ZFP1: variants seen among roughly 807,000 people sequenced by gnomAD.
The protein encoded by ZFP1 is ZFP1 zinc finger protein.
ZFP1 carries 32 observed loss-of-function variants against 38.5 expected under a neutral mutation model. The observed-to-expected ratio is 0.83, with a 90% CI of 0.63 to 1.12. The LOEUF (loss-of-function observed/expected upper bound fraction) is 1.12, where lower values mean the gene tolerates loss of function less well. Ranked by LOEUF, ZFP1 falls within the 50% of genes most tolerant of loss-of-function variation. ZFP1 has a pLI of 0.00. For missense variants in ZFP1, 616 were observed against 480.8 expected (o/e 1.28, Z -2.63); for synonymous variants, 245 against 168.8 (o/e 1.45, Z -3.50).
At chr16:75,159,152 C>A (rs11644016) in intron 2 of ZFP1, among the ~76,000 whole-genome samples, 1 of 151,514 alleles carries the variant, frequency 6.6e-6, no homozygotes, top group African/African-American at 2.4e-5. Flanking sequence ...CCACCTTAGC[C>A]GCCCAATGTG....
At chr16:75,131,236 T>A in the ZFP1 span, among the ~76,000 whole-genome samples, 1 of 151,976 alleles carries the variant, frequency 6.6e-6, no homozygotes, top group East Asian at 1.9e-4. Flanking sequence ...GGAGGGAAGC[T>A]CAGGGAGGGC....
chr16:75,130,649 CAACT>C, the ZFP1 span, among the ~76,000 whole-genome samples: 1 of 152,150 alleles, frequency 6.6e-6, no homozygotes, highest in East Asian at 1.9e-4. Flanking sequence ...AGGCTGCCAC[CAACT>C]GTTATTTTAG....
intron 2 of ZFP1, among the ~76,000 whole-genome samples, chr16:75,161,800 T>C (rs1446157873): frequency 3.5e-5 from 4 of 114,898 alleles, no homozygotes; most frequent in Non-Finnish European, 7.2e-5. Flanking sequence ...TTTTTTTTTT[T>C]CCTGAGATGG....
At chr16:75,150,540 T>C (rs1056556577) in intron 1 of ZFP1, among the ~76,000 whole-genome samples, 4 of 152,072 alleles carry the variant, frequency 2.6e-5, no homozygotes, top group African/African-American at 9.7e-5. Context: ...ATATTATTGA[T>C]TTATAGTTTA....
chr16:75,148,330 A>G (rs2036983903), upstream of ZFP1, among the ~76,000 whole-genome samples: 1 of 152,184 alleles, frequency 6.6e-6, no homozygotes, highest in Middle Eastern at 3.2e-3. Context: ...GTGCAGGCTA[A>G]GGAGATTATT....
the ZFP1 span, among the ~76,000 whole-genome samples, chr16:75,123,429 A>ATGTGTGTGTGTGTG: frequency 2.2e-4 from 7 of 31,670 alleles, no homozygotes; most frequent in South Asian, 1.9e-3. Flanking sequence ...ATATATAAGA[A>ATGTGTGTGTGTGTG]TGTGTGTGTG....
chr16:75,156,739 G>C (rs2145521932), intron 2 of ZFP1, among the ~76,000 whole-genome samples: 1 of 152,314 alleles, frequency 6.6e-6, no homozygotes, highest in East Asian at 1.9e-4. Context: ...TGGTTCACTG[G>C]TGAATAGCCA....
In ZFP1 at chr16:75,169,619, C is replaced by T. The variant is rs760133505; in HGVS notation, c.509C>T (p.Ala170Val). 14 of 1,592,632 alleles carry T rather than the reference C, an allele frequency of 8.8e-6. No individual in the cohort carries two copies. In the South Asian group the frequency reaches 1.5e-4, roughly 17 times the overall value. Residue 170 changes from alanine (A) to valine (V), a missense_variant, in exon 4 of 4, where the codon GCC becomes GTC. Transcript: ENST00000570010. ...KSGKALSHKA[A>V]IFKHQKIKNL... ...GGAAAAGCCCTCAGCCATAAAGCAG[C>T]CATTTTTAAACATCAGAAAATAAAA...
chr16:75,119,961 A>G, the ZFP1 span, among the ~76,000 whole-genome samples: 1 of 152,254 alleles, frequency 6.6e-6, no homozygotes, highest in South Asian at 2.1e-4. Flanking sequence ...TAGTTACACA[A>G]CGAGGCCACC....
intron 1 of ZFP1, chr16:75,149,234 T>C (rs2145487424): frequency 6.6e-6 from 1 of 152,338 alleles, no homozygotes; most frequent in African/African-American, 2.4e-5. Context: ...GGAAAGTGAT[T>C]TCCCTAAGGT....
the ZFP1 span, among the ~76,000 whole-genome samples, chr16:75,129,184 C>T: frequency 6.6e-6 from 1 of 152,130 alleles, no homozygotes; most frequent in African/African-American, 2.4e-5. Flanking sequence ...TTGTTGTTCT[C>T]CTTTCCTCCC....
intron 1 of ZFP1, among the ~76,000 whole-genome samples, chr16:75,150,512 C>T (rs887217162): frequency 1.8e-4 from 28 of 152,348 alleles, no homozygotes; most frequent in African/African-American, 6.5e-4. Context: ...AGCCATCGCA[C>T]CCGGCCCAGA....
At chr16:75,150,207 ATC>A (rs1350961398) in intron 1 of ZFP1, among the ~76,000 whole-genome samples, 42 of 110,772 alleles carry the variant, frequency 3.8e-4, no homozygotes, top group African/African-American at 8.6e-4. Context: ...GATTTTCCAG[ATC>A]TTTTTTTTTT....
intron 2 of ZFP1, among the ~76,000 whole-genome samples, chr16:75,165,633 C>G (rs2038033859): frequency 6.6e-6 from 1 of 152,112 alleles, no homozygotes; most frequent in African/African-American, 2.4e-5. Flanking sequence ...GTGATCCGCC[C>G]ACCTCGGCTT....
In ZFP1 at chr16:75,170,482, G is replaced by T. The variant is rs904559040; in HGVS notation, c.*148G>T. 2 of 1,203,862 alleles carry T rather than the reference G, an allele frequency of 1.7e-6. No individual in the cohort carries two copies. Among genetic ancestry groups the T allele is most frequent in the African/African-American group, 1.5e-5 (1 of 65,898 alleles). 74.6% of individuals were successfully genotyped at this position (1,203,862 alleles called of 1,614,324 possible). On this transcript the variant is annotated 3_prime_UTR_variant, in exon 4 of 4. Transcript: ENST00000570010. ...ATGTATTAAAAATAGGATCCCATGA[G>T]AACATTATACTGGAAGTTACATGTG... is the stretch of plus-strand genomic sequence containing the variant.
At chr16:75,158,993 C>T (rs1212859254) in intron 2 of ZFP1, among the ~76,000 whole-genome samples, 3 of 150,690 alleles carry the variant, frequency 2.0e-5, no homozygotes, top group Non-Finnish European at 3.0e-5. Context: ...GCCTCCCAGG[C>T]TCAAGTGATC....
rs766950797 is a variant in ZFP1 at position 75,169,704 on chromosome 16, C to T, written c.594C>T (p.Leu198=). The change falls in exon 4 of 4, where the codon CTC becomes CTT. Residue 198 remains leucine, a synonymous_variant. Coordinates refer to ENST00000570010, the MANE Select transcript of ZFP1 (RefSeq NM_153688.4). ...YCDKAFSFKS[L]LISHKRIHTG... is the part of the protein sequence containing the mutation. ...ACAAGGCTTTCTCCTTTAAGTCACT[C>T]CTCATTAGTCATAAGAGAATACATA... 6 of 1,612,610 alleles carry T rather than the reference C, an allele frequency of 3.7e-6. No individual in the cohort carries two copies. In the Admixed American group the frequency reaches 6.7e-5, roughly 18 times the overall value.
At chr16:75,169,230 T>C (rs764118016) in intron 3 of ZFP1, 23 bp from the exon 4 acceptor site, 1 of 1,575,038 alleles carries the variant, frequency 6.3e-7, no homozygotes, top group Non-Finnish European at 8.6e-7. Context: ...CAAGGTTCTT[T>C]TCATTGTGCT....
the ZFP1 span, among the ~76,000 whole-genome samples, chr16:75,134,806 C>T: frequency 6.6e-6 from 1 of 151,756 alleles, no homozygotes; most frequent in South Asian, 2.1e-4. Context: ...GCCTGTAATC[C>T]CAGCACTTGG....
Sources: allele counts gnomAD v4.1 joint callset (sites outside exome capture counted in the v4.1 genomes callset), GRCh38; gene constraint gnomAD v4.1.1; transcripts MANE v1.5; gene names NCBI Gene and HGNC (gene_info 2026-07-23, HGNC 2026-07-21).